CCDC171: variants seen among roughly 807,000 people sequenced by gnomAD.
The protein encoded by CCDC171 is coiled-coil domain-containing protein 171.
In CCDC171, 177 loss-of-function variants were observed where a neutral mutation model predicts 168.2. That is an observed-to-expected ratio of 1.05 (90% CI 0.93 to 1.19). CCDC171 has a LOEUF of 1.19. Ranked by LOEUF, CCDC171 falls within the 50% of genes most tolerant of loss-of-function variation. The pLI is 0.00. For synonymous variants in CCDC171, 687 were observed against 540.8 expected, an observed-to-expected ratio of 1.27 and a Z score of -3.75; for missense variants, 1,991 against 1,539.0, an observed-to-expected ratio of 1.29 and a Z score of -4.91.
chr9:16,002,108 A>T (rs1026840426), intron 3 of CCDC171, among the ~76,000 whole-genome samples: 4 of 147,958 alleles, frequency 2.7e-5, no homozygotes, highest in Non-Finnish European at 5.9e-5. Flanking sequence ...AATTACAGGC[A>T]TGAGTCACCA....
intron 21 of CCDC171, among the ~76,000 whole-genome samples, chr9:15,817,352 A>G (rs1044989835): frequency 8.5e-6 from 1 of 117,746 alleles, no homozygotes; most frequent in Non-Finnish European, 1.9e-5. Flanking sequence ...TGGGTGCAGG[A>G]CAGTGGGTGC....
chr9:15,811,165 C>A (rs909649292), intron 21 of CCDC171, among the ~76,000 whole-genome samples: 1 of 152,198 alleles, frequency 6.6e-6, no homozygotes, highest in South Asian at 2.1e-4. Context: ...TTCATTTAGG[C>A]AGAAACCTTT....
chr9:15,983,501 T>A (rs947209999), intron 3 of CCDC171, among the ~76,000 whole-genome samples: 21 of 139,032 alleles, frequency 1.5e-4, no homozygotes, highest in African/African-American at 5.8e-4. Context: ...TGTGTGTGTG[T>A]GTGTGTGTGT....
At chr9:15,659,093 C>T (rs1012066351) in intron 8 of CCDC171, among the ~76,000 whole-genome samples, 2 of 152,152 alleles carry the variant, frequency 1.3e-5, no homozygotes, top group Non-Finnish European at 2.9e-5. Flanking sequence ...AACATGTTGA[C>T]TTTGAGGAGC....
chr9:15,968,070 G>C (rs1830978742), intron 25 of CCDC171, among the ~76,000 whole-genome samples: 2 of 152,286 alleles, frequency 1.3e-5, no homozygotes, highest in Admixed American at 6.5e-5. Flanking sequence ...TTTTTAAAAT[G>C]TAGAAATTTA....
At chr9:15,774,070 A>G (rs998275669) in intron 18 of CCDC171, among the ~76,000 whole-genome samples, 1 of 151,836 alleles carries the variant, frequency 6.6e-6, no homozygotes, top group African/African-American at 2.4e-5. Flanking sequence ...ACGTGGTGAA[A>G]CCCTGTCTCT....
rs1375081105 is a variant in CCDC171 at position 15,793,212 on chromosome 9, C to G, written c.3267+8518C>G. 2.6e-5 allele frequency among the ~76,000 whole-genome samples: 4 copies of G among 151,654 alleles called. 1 individual carries two copies. The highest frequency in any genetic ancestry group is 7.3e-5 in the African/African-American group (3 of 41,220). The stretch of plus-strand genomic sequence containing the variant: ...AAACAGACTTTAAACCAACAAAGAT[C>G]AAAAGAGACAAAGAAGGCCATTACA... On this transcript the variant is annotated intron_variant, in intron 21 of 25. Coordinates refer to ENST00000380701, the MANE Select transcript of CCDC171 (RefSeq NM_173550.4).
chr9:15,687,777 A>C (rs780842421), intron 10 of CCDC171, among the ~76,000 whole-genome samples: 7 of 152,228 alleles, frequency 4.6e-5, no homozygotes, highest in Non-Finnish European at 1.0e-4. Flanking sequence ...TAGATAATTT[A>C]AAATGGACAA....
At chr9:16,075,986 A>G in the CCDC171 span, among the ~76,000 whole-genome samples, 1 of 152,314 alleles carries the variant, frequency 6.6e-6, no homozygotes, top group African/African-American at 2.4e-5. Flanking sequence ...ATCACATAAA[A>G]TGTACTCCTT....
chr9:15,919,861 A>T (rs1256894339), intron 24 of CCDC171, among the ~76,000 whole-genome samples: 1 of 151,664 alleles, frequency 6.6e-6, no homozygotes, highest in Non-Finnish European at 1.5e-5. Context: ...AGGTGGTTTA[A>T]AAATTTTACT....
chr9:16,015,458 A>G (rs943935823), intron 3 of CCDC171, among the ~76,000 whole-genome samples: 1 of 152,106 alleles, frequency 6.6e-6, no homozygotes, highest in African/African-American at 2.4e-5. Context: ...TACTACTGTT[A>G]TTATTGTTAT....
chr9:15,913,765 C>T (rs533237429), intron 24 of CCDC171, among the ~76,000 whole-genome samples: 1 of 152,314 alleles, frequency 6.6e-6, no homozygotes, highest in Non-Finnish European at 1.5e-5. Context: ...GGTTTTTCCT[C>T]ATCTTAGTGG....
rs2040233796 is a variant in CCDC171, at chr9:15,571,686, C to G, written c.104C>G (p.Thr35Ser). The change falls in exon 3 of 26, where the codon ACT becomes AGT. Residue 35 changes from threonine to serine, a missense_variant. Transcript: ENST00000380701. ...ILKNETELDI[T>S]DNLRKKLHWA... is the part of the protein sequence containing the mutation. The stretch of plus-strand genomic sequence containing the variant: ...AAAAATGAAACAGAGTTGGATATTA[C>G]TGATAATCTCAGGAAGAAACTCCAT... 15 of 1,581,342 alleles carry G rather than the reference C, an allele frequency of 9.5e-6. No homozygotes were observed. The highest frequency in any genetic ancestry group is 1.2e-5 in the Non-Finnish European group (14 of 1,168,726).
intron 7 of CCDC171, among the ~76,000 whole-genome samples, chr9:15,649,277 C>T (rs141917747): frequency 1.2e-4 from 19 of 152,274 alleles, no homozygotes; most frequent in African/African-American, 4.6e-4. Flanking sequence ...AAATGTTAAA[C>T]CTAAAACCAT....
intron 7 of CCDC171, among the ~76,000 whole-genome samples, chr9:15,654,290 G>T (rs2047753811): frequency 6.6e-6 from 1 of 151,904 alleles, no homozygotes; most frequent in African/African-American, 2.4e-5. Context: ...AAAGCAAATA[G>T]TTCATTGTAA....
At chr9:15,627,181 G>T (rs534988474) in intron 7 of CCDC171, among the ~76,000 whole-genome samples, 1 of 151,646 alleles carries the variant, frequency 6.6e-6, no homozygotes, top group Non-Finnish European at 1.5e-5. Flanking sequence ...ATCATTTTTT[G>T]TTGCGCCTAT....
chr9:15,722,748 A>T (rs1312305326), intron 12 of CCDC171, among the ~76,000 whole-genome samples: 1 of 152,204 alleles, frequency 6.6e-6, no homozygotes, highest in Non-Finnish European at 1.5e-5. Context: ...TAAGATGAAC[A>T]AAGAAGGAAA....
chr9:15,653,856 G>A (rs1222189650), intron 7 of CCDC171, among the ~76,000 whole-genome samples: 1 of 151,836 alleles, frequency 6.6e-6, no homozygotes, highest in Non-Finnish European at 1.5e-5. Flanking sequence ...GCCCCAAGCA[G>A]TCCTCTCACC....
chr9:15,576,167 A>C (rs1587081380), intron 3 of CCDC171, among the ~76,000 whole-genome samples: 3 of 149,934 alleles, frequency 2.0e-5, no homozygotes, highest in African/African-American at 7.4e-5. Flanking sequence ...GTGTATATAC[A>C]TGTATATATA....
Sources: gnomAD v4.1 joint callset for allele counts (sites outside exome capture counted in the v4.1 genomes callset) on GRCh38, gnomAD v4.1.1 for gene constraint, MANE v1.5 for transcripts, NCBI Gene and HGNC (gene_info 2026-07-23, HGNC 2026-07-21) for gene names.